PUS7: variants seen among roughly 807,000 people sequenced by gnomAD.
The protein encoded by PUS7 is pseudouridylate synthase 7 homolog.
Under a neutral mutation model 79.8 loss-of-function variants are expected in PUS7, and 48 were observed. That is an observed-to-expected ratio of 0.60 (90% CI 0.48 to 0.76). PUS7 has a LOEUF of 0.76. PUS7 is among the 30% of genes least tolerant of loss of function. The probability of loss-of-function intolerance (pLI) is 0.00; values close to 1 mark genes in which losing one functional copy is unlikely to be tolerated. For missense variants in PUS7, 729 were observed against 797.6 expected (o/e 0.91, Z 1.04); for synonymous variants, 286 against 272.2 (o/e 1.05, Z -0.50).
chr7:105,505,889 C>T (rs1825434346), intron 4 of PUS7, 66 bp downstream of exon 4: 2 of 1,268,776 alleles, frequency 1.6e-6, no homozygotes, highest in Non-Finnish European at 2.3e-6. Flanking sequence ...TCCATAAACA[C>T]TTAACATCCA....
chr7:105,485,130 C>T (rs1006691183), intron 7 of PUS7, among the ~76,000 whole-genome samples: 1 of 152,012 alleles, frequency 6.6e-6, no homozygotes, highest in Non-Finnish European at 1.5e-5. Context: ...GCTGGGATTA[C>T]AGGGGTCAGC....
intron 15 of PUS7, 88 bp downstream of exon 15, chr7:105,459,080 T>C: frequency 1.4e-6 from 1 of 712,544 alleles, no homozygotes; most frequent in Non-Finnish European, 2.3e-6. Context: ...TGGTAGTGCT[T>C]GTAAGAGCAG....
chr7:105,492,484 C>T (rs1177040467), intron 6 of PUS7, among the ~76,000 whole-genome samples: 4 of 148,126 alleles, frequency 2.7e-5, no homozygotes, highest in African/African-American at 1.0e-4. Flanking sequence ...ACCACCACAT[C>T]TGGCTGATTT....
At chr7:105,463,191 TAG>T (rs1823505109) in intron 13 of PUS7, among the ~76,000 whole-genome samples, 2 of 152,190 alleles carry the variant, frequency 1.3e-5, no homozygotes, top group South Asian at 2.1e-4. Flanking sequence ...GCACCTGATG[TAG>T]AGTCTTTTTT....
At position 105,492,525 on chromosome 7, in the gene PUS7, A is replaced by G. The variant is rs1253344460; in HGVS notation, c.843-908T>C. Among the ~76,000 whole-genome samples the G allele has an allele frequency of 7.5e-4, 63 of 83,462 alleles. 1 individual carries two copies. The highest frequency in any genetic ancestry group is 2.8e-3 in the African/African-American group (51 of 18,198). The allele number at this position is 83,462 out of a possible 152,430, so 54.8% of individuals were successfully genotyped here. ...ATTTTTTTTTTTTTTTTTTTTTTTG[A>G]GACAGAGTCTCGCTCTGTCGCCCAG... On this transcript the variant is annotated intron_variant, in intron 6 of 15. Coordinates refer to ENST00000469408, the MANE Select transcript of PUS7 (RefSeq NM_019042.5).
At chr7:105,519,702 T>C (rs1826030349) in intron 1 of PUS7, among the ~76,000 whole-genome samples, 1 of 152,218 alleles carries the variant, frequency 6.6e-6, no homozygotes, top group Non-Finnish European at 1.5e-5. Context: ...TTACAATGTA[T>C]TTGAGAATAT....
chr7:105,481,932 G>A (rs1211653264), intron 8 of PUS7, among the ~76,000 whole-genome samples: 1 of 152,092 alleles, frequency 6.6e-6, no homozygotes, highest in Non-Finnish European at 1.5e-5. Context: ...GGGTTTCACC[G>A]TATTAGCCAG....
chr7:105,476,524 A>AT (rs1440416208), intron 9 of PUS7, among the ~76,000 whole-genome samples: 1 of 151,920 alleles, frequency 6.6e-6, no homozygotes, highest in Admixed American at 6.6e-5. Flanking sequence ...CGCCCGGCTA[A>AT]TTTTTGTATT....
chr7:105,464,512 A>C (rs768507087), intron 13 of PUS7, among the ~76,000 whole-genome samples: 10 of 152,210 alleles, frequency 6.6e-5, no homozygotes, highest in Non-Finnish European at 1.5e-4. Flanking sequence ...AGGCAGAGGA[A>C]GGCTGAATTC....
Position 105,465,764 on chromosome 7 carries a change from C to T in PUS7, c.1526-350G>A, listed in dbSNP as rs183933687. On this transcript the variant is annotated intron_variant, in intron 12 of 15. Transcript: ENST00000469408. ...AGGAGAATTGCTTGAACCCGGGAGG[C>T]GGAGGTTGCGGTGAGCTGAGATCAA... is the stretch of plus-strand genomic sequence containing the variant. 5.3e-3 allele frequency among the ~76,000 whole-genome samples: 805 copies of T among 152,086 alleles called. 9 individuals are homozygous for T. Among genetic ancestry groups the T allele is most frequent in the African/African-American group, 0.018 (767 of 41,494 alleles).
rs780359729 is a variant in PUS7 at position 105,474,542 on chromosome 7, G to A, written c.1176-2349C>T. ...TCAGCACTTTGGGAGGCTGAGGCACGCGAATCACAAAGTCAGGAGATCAAG... is the reference window on the plus strand; with the variant it reads ...TCAGCACTTTGGGAGGCTGAGGCACACGAATCACAAAGTCAGGAGATCAAG... On this transcript the variant is annotated intron_variant, in intron 9 of 15. Transcript: ENST00000469408. Among the ~76,000 whole-genome samples the A allele has an allele frequency of 3.3e-5, 5 of 151,388 alleles. No individual in the cohort carries two copies. The South Asian group carries it at 6.3e-4, about 19-fold the overall frequency.
At chr7:105,507,865 C>G (rs1825535457) in intron 2 of PUS7, among the ~76,000 whole-genome samples, 1 of 152,082 alleles carries the variant, frequency 6.6e-6, no homozygotes, top group Admixed American at 6.6e-5. Context: ...GAGGCATGAT[C>G]ATGCCACTGC....
intron 11 of PUS7, 101 bp downstream of exon 11, chr7:105,470,587 T>C (rs764508429): frequency 4.3e-5 from 58 of 1,334,096 alleles, no homozygotes; most frequent in Middle Eastern, 2.3e-4. Flanking sequence ...GATCCTTATT[T>C]ACCTTCTGCT....
intron 1 of PUS7, among the ~76,000 whole-genome samples, chr7:105,510,719 T>C (rs1013246813): frequency 2.6e-5 from 4 of 152,160 alleles, no homozygotes; most frequent in Admixed American, 1.3e-4. Flanking sequence ...TTCACCATGT[T>C]GGCCAGGCTG....
intron 11 of PUS7, among the ~76,000 whole-genome samples, chr7:105,468,684 A>ATTTTTTTTTTTTTTTTTTTTTTTTTT (rs1398225153): frequency 5.3e-5 from 8 of 151,174 alleles, no homozygotes; most frequent in African/African-American, 1.9e-4. Flanking sequence ...CACCTGTCTA[A>ATTTTTTTTTTTTTTTTTTTTTTTTTT]TTTTTGTATT....
chr7:105,457,323 C>G lies in PUS7; in HGVS notation c.*467G>C, dbSNP rs1181655058. 2 of 152,218 alleles carry G rather than the reference C, an allele frequency of 1.3e-5. No homozygotes were observed. The highest frequency in any genetic ancestry group is 4.8e-5 in the African/African-American group (2 of 41,422). 9.4% of individuals were successfully genotyped at this position (152,218 alleles called of 1,614,324 possible). ...TTTGTAGATGTCTTATTATTTCAGT[C>G]AGCATGAGTACTGTATTTATATTTG... is the stretch of plus-strand genomic sequence containing the variant. On this transcript the variant is annotated 3_prime_UTR_variant, in exon 16 of 16. Transcript: ENST00000469408.
At chr7:105,470,664 C>A (rs776548127) in intron 11 of PUS7, 24 bp downstream of exon 11, 7 of 1,540,430 alleles carry the variant, frequency 4.5e-6, no homozygotes, top group South Asian at 1.2e-5. Flanking sequence ...TGAGCCATTG[C>A]CTGACTTCAC....
intron 9 of PUS7, among the ~76,000 whole-genome samples, chr7:105,474,305 C>T (rs184232405): frequency 1.3e-5 from 2 of 152,210 alleles, no homozygotes; most frequent in African/African-American, 2.4e-5. Flanking sequence ...TGCTGGCCAC[C>T]ACCACAGTCC....
In PUS7 at chr7:105,514,607, AAAAAG is replaced by A. The variant is rs146058760; in HGVS notation, c.-32-6068_-32-6064del. Among the ~76,000 whole-genome samples the A allele has an allele frequency of 3.9e-4, 59 of 151,460 alleles. 1 individual carries two copies. Among genetic ancestry groups the A allele is most frequent in the African/African-American group, 7.0e-4 (29 of 41,272 alleles). On this transcript the variant is annotated intron_variant, in intron 1 of 15. Transcript: ENST00000469408. ...TGACAGAGCGAGACTCCATCTCAAA[AAAAAG>A]AAAAGAAAAGAAAAGAAAAGAAAAC...
Sources: gnomAD v4.1 joint callset for allele counts (sites outside exome capture counted in the v4.1 genomes callset) on GRCh38, gnomAD v4.1.1 for gene constraint, MANE v1.5 for transcripts, NCBI Gene and HGNC (gene_info 2026-07-23, HGNC 2026-07-21) for gene names.